The following SPOCK1 variants were observed in gnomAD, a reference collection of about 807,000 sequenced individuals.
The protein encoded by SPOCK1 is testican-1.
In SPOCK1, 23 loss-of-function variants were observed where a neutral mutation model predicts 55.3. The observed-to-expected ratio is 0.42, with a 90% CI of 0.30 to 0.59. The LOEUF is 0.59. SPOCK1 is among the 20% of genes least tolerant of loss of function. The pLI is 0.22. For synonymous variants in SPOCK1, 226 were observed against 221.0 expected, an observed-to-expected ratio of 1.02 and a Z score of -0.20; for missense variants, 499 against 552.5, an observed-to-expected ratio of 0.90 and a Z score of 0.97.
intron 2 of SPOCK1, among the ~76,000 whole-genome samples, chr5:137,275,245 C>T (rs1293276046): frequency 6.6e-6 from 1 of 152,206 alleles, no homozygotes; most frequent in Non-Finnish European, 1.5e-5. Context: ...TCACAAATCC[C>T]AAATTAATTA....
In SPOCK1 at chr5:137,020,041, G is replaced by C. The variant is rs192213400; in HGVS notation, c.590-27441C>G. On this transcript the variant is annotated intron_variant, in intron 6 of 10. Transcript: ENST00000394945. ...AAAATCTCTGGATTACAAACTAAGA[G>C]AATAGAATAGGGTGGTTATCTTTAA... Among the ~76,000 whole-genome samples, 154 of 151,750 alleles carry C rather than the reference G, an allele frequency of 1.0e-3. 1 individual carries two copies. Among genetic ancestry groups the C allele is most frequent in the Non-Finnish European group, 4.6e-4 (31 of 67,792 alleles).
chr5:137,129,057 C>T (rs567154955), intron 4 of SPOCK1, among the ~76,000 whole-genome samples: 8 of 152,310 alleles, frequency 5.3e-5, no homozygotes, highest in Admixed American at 1.3e-4. Context: ...TATCACTCTC[C>T]AACTGAAAGC....
intron 2 of SPOCK1, among the ~76,000 whole-genome samples, chr5:137,496,176 C>G (rs1754295523): frequency 6.6e-6 from 1 of 152,112 alleles, no homozygotes. Context: ...ATTCCCTGCA[C>G]TCACCCCAGA....
intron 2 of SPOCK1, among the ~76,000 whole-genome samples, chr5:137,284,406 T>G (rs1423145284): frequency 6.6e-6 from 1 of 152,188 alleles, no homozygotes; most frequent in Non-Finnish European, 1.5e-5. Flanking sequence ...ACAATTCTTT[T>G]GAAGGAAAAA....
intron 2 of SPOCK1, among the ~76,000 whole-genome samples, chr5:137,436,077 G>T (rs545555060): frequency 7.2e-4 from 109 of 152,190 alleles, no homozygotes; most frequent in Non-Finnish European, 1.2e-3. Flanking sequence ...AAAATTGCTT[G>T]AACCCAGGAG....
intron 2 of SPOCK1, among the ~76,000 whole-genome samples, chr5:137,413,064 C>T (rs965474970): frequency 3.3e-5 from 5 of 151,900 alleles, no homozygotes; most frequent in Admixed American, 6.6e-5. Context: ...TTTGGAGGTG[C>T]TGTATCAAAA....
In SPOCK1 at chr5:137,498,266, CCACACA is replaced by C. The variant is rs544933594; in HGVS notation, c.186+101_186+106del. ...AGATGCCCACCTGTCCCCCTCCCAA[CCACACA>C]CACACACACACACACACACACACAC... On this transcript the variant is annotated intron_variant, in intron 2 of 10. Transcript: ENST00000394945. 5,099 of 792,856 alleles carry C rather than the reference CCACACA, an allele frequency of 6.4e-3. 1 individual carries two copies. Among genetic ancestry groups the C allele is most frequent in the Middle Eastern group, 0.011 (26 of 2,384 alleles). The allele number at this position is 792,856 out of a possible 1,614,324, so 49.1% of individuals were successfully genotyped here. A position where few individuals can be genotyped will look rare whatever the true frequency, so the allele number is the denominator to read the frequency against.
Position 137,499,310 on chromosome 5 carries a change from T to G in SPOCK1, c.-132A>C, listed in dbSNP as rs1754391335. The G allele has an allele frequency of 6.6e-6, 1 of 151,684 alleles. No homozygotes were observed. The highest frequency in any genetic ancestry group is 6.6e-5 in the Admixed American group (1 of 15,250). 9.4% of individuals were successfully genotyped at this position (151,684 alleles called of 1,614,324 possible). ...CGCCGCCGAGCGTCTGGCCGCTTTG[T>G]GAGCCCGCAGCGATGTGCTCTGCTC... On this transcript the variant is annotated 5_prime_UTR_variant, in exon 1 of 11. Coordinates refer to ENST00000394945, the MANE Select transcript of SPOCK1 (RefSeq NM_004598.4).
intron 2 of SPOCK1, among the ~76,000 whole-genome samples, chr5:137,428,067 C>T (rs915315563): frequency 6.6e-6 from 1 of 152,150 alleles, no homozygotes; most frequent in African/African-American, 2.4e-5. Context: ...CCATTTCTGT[C>T]CACTTCAGGA....
At chr5:137,390,113 C>G (rs905572891) in intron 2 of SPOCK1, among the ~76,000 whole-genome samples, 1 of 152,118 alleles carries the variant, frequency 6.6e-6, no homozygotes, top group African/African-American at 2.4e-5. Flanking sequence ...ATCCTGTCTC[C>G]TCTTCTCTCT....
At chr5:137,292,246 T>C (rs1463279461) in intron 2 of SPOCK1, among the ~76,000 whole-genome samples, 3 of 151,922 alleles carry the variant, frequency 2.0e-5, no homozygotes, top group Non-Finnish European at 2.9e-5. Flanking sequence ...AAGGAATATT[T>C]TCCAAAGCAA....
chr5:136,999,831 G>T (rs1171107005), intron 6 of SPOCK1, among the ~76,000 whole-genome samples: 1 of 152,170 alleles, frequency 6.6e-6, no homozygotes, highest in Non-Finnish European at 1.5e-5. Flanking sequence ...CCCAATTGGG[G>T]ATGTCCGAAA....
At chr5:137,142,703 G>C (rs912312631) in intron 3 of SPOCK1, among the ~76,000 whole-genome samples, 16 of 152,190 alleles carry the variant, frequency 1.1e-4, no homozygotes, top group African/African-American at 3.1e-4. Flanking sequence ...CAGGTGGCAG[G>C]GCCCTGTGTC....
chr5:137,260,977 G>A (rs189214598), intron 3 of SPOCK1, among the ~76,000 whole-genome samples: 268 of 152,224 alleles, frequency 1.8e-3, no homozygotes, highest in African/African-American at 6.2e-3. Flanking sequence ...ATGTGGAAAA[G>A]GCAAAGGTGA....
rs146295731 is a variant in SPOCK1, at chr5:137,437,540, G to GT, written c.186+60832dup. On this transcript the variant is annotated intron_variant, in intron 2 of 10. Transcript: ENST00000394945. ...TATCACCTCTAAAAGAAATCCTGTA[G>GT]TTTTTTTAAATTGTGGTAAAATATA... 3.7e-3 allele frequency among the ~76,000 whole-genome samples: 570 copies of GT among 152,174 alleles called. 4 individuals carry two copies. The highest frequency in any genetic ancestry group is 0.013 in the African/African-American group (532 of 41,520).
intron 2 of SPOCK1, among the ~76,000 whole-genome samples, chr5:137,323,788 C>T (rs1758023721): frequency 6.6e-6 from 1 of 152,152 alleles, no homozygotes; most frequent in South Asian, 2.1e-4. Context: ...GATATTACCT[C>T]AACCTGCTGG....
At chr5:137,380,262 T>C (rs1366818750) in intron 2 of SPOCK1, among the ~76,000 whole-genome samples, 1 of 152,178 alleles carries the variant, frequency 6.6e-6, no homozygotes, top group African/African-American at 2.4e-5. Context: ...AAGCTAAAAA[T>C]GAATGCAATG....
rs2961636 is a variant in SPOCK1, at chr5:137,302,380, C to G, written c.187-35325G>C. ...GTCAGGAGATTGAGACCATCCTGGC[C>G]AACACAGTGAAACCCCGTCTCTACT... On this transcript the variant is annotated intron_variant, in intron 2 of 10. Transcript: ENST00000394945. Among the ~76,000 whole-genome samples the G allele has an allele frequency of 1.2e-4, 17 of 147,050 alleles. No individual in the cohort carries two copies. The South Asian group carries it at 1.3e-3, about 11-fold the overall frequency.
At chr5:137,247,762 G>C (rs1244195079) in intron 3 of SPOCK1, among the ~76,000 whole-genome samples, 1 of 152,176 alleles carries the variant, frequency 6.6e-6, no homozygotes, top group Non-Finnish European at 1.5e-5. Context: ...ATGGCAGAGG[G>C]GGTCTAAGGG....
Sources: gnomAD v4.1 joint callset for allele counts (sites outside exome capture counted in the v4.1 genomes callset) on GRCh38, gnomAD v4.1.1 for gene constraint, MANE v1.5 for transcripts, NCBI Gene and HGNC (gene_info 2026-07-23, HGNC 2026-07-21) for gene names.